The following PRMT8 variants were observed in gnomAD, a reference collection of about 807,000 sequenced individuals.
The protein encoded by PRMT8 is protein arginine methyltransferase 8, also known as protein arginine N-methyltransferase 8.
A neutral mutation model predicts 47.1 loss-of-function variants in PRMT8; 7 were observed. The ratio of observed to expected loss-of-function variants is 0.15; its 90% CI spans 0.08 to 0.28. The LOEUF (loss-of-function observed/expected upper bound fraction) is 0.28. Ranked by LOEUF, PRMT8 falls within the 10% of genes least tolerant of loss-of-function variation. The probability of loss-of-function intolerance (pLI) is 1.00; values close to 1 mark genes in which losing one functional copy is unlikely to be tolerated. For synonymous variants in PRMT8, 188 were observed against 186.5 expected (o/e 1.01, Z -0.07); for missense variants, 237 against 505.4 (o/e 0.47, Z 5.09).
At chr12:3,475,114 A>C (rs1380301697) in intron 1 of PRMT8, among the ~76,000 whole-genome samples, 1 of 152,174 alleles carries the variant, frequency 6.6e-6, no homozygotes, top group African/African-American at 2.4e-5. Flanking sequence ...CTGCCTGGCC[A>C]CTAAAAGAAG....
At position 3,492,654 on chromosome 12, in the gene PRMT8, C is replaced by T. The variant is rs1055012516; in HGVS notation, c.75+954C>T. ...CCTCGCCTCCCTCTGACCCCGCTGT[C>T]ATTACAACAACCGGACTATTCCGTA... On this transcript the variant is annotated intron_variant, in intron 1 of 9. Transcript: ENST00000382622. The surrounding 1 kb of genome is among the most constrained non-coding windows in gnomAD (Gnocchi z 7.5). Among the ~76,000 whole-genome samples the T allele has an allele frequency of 6.6e-6, 1 of 152,200 alleles. No homozygotes were observed. Among genetic ancestry groups the T allele is most frequent in the Admixed American group, 6.5e-5 (1 of 15,286 alleles).
chr12:3,416,943 GT>G (rs1299305135), intron 1 of PRMT8, among the ~76,000 whole-genome samples: 1 of 152,246 alleles, frequency 6.6e-6, no homozygotes, highest in African/African-American at 2.4e-5. Context: ...CAAACAGTAT[GT>G]GAGATTTTTG....
At chr12:3,532,276 T>A (rs192493201) in intron 1 of PRMT8, among the ~76,000 whole-genome samples, 1 of 148,448 alleles carries the variant, frequency 6.7e-6, no homozygotes, top group Admixed American at 6.7e-5. Context: ...ATATATTTAA[T>A]ACATATACTA....
At position 3,540,670 on chromosome 12, in the gene PRMT8, A is replaced by G. The variant is rs753811726; in HGVS notation, c.140A>G (p.His47Arg). The G allele has an allele frequency of 1.5e-6, 2 of 1,338,166 alleles. No individual in the cohort carries two copies. Among genetic ancestry groups the G allele is most frequent in the Non-Finnish European group, 2.0e-6 (2 of 1,015,154 alleles). The allele number at this position is 1,338,166 out of a possible 1,614,324, so 82.9% of individuals were successfully genotyped here. A position where few individuals can be genotyped will look rare whatever the true frequency, so the allele number is the denominator to read the frequency against. The stretch of plus-strand genomic sequence containing the variant: ...CCTGCTAAGCCCGTGCAATGCGTCC[A>G]TCATGTGTCCACTCAACCCAGCTGC... The part of the protein sequence containing the change: ...VVPAKPVQCV[H>R]HVSTQPSCPG... The change falls in exon 2 of 10, where the codon CAT becomes CGT. Residue 47 changes from histidine (H) to arginine (R), a missense_variant. By Grantham distance (29) the His-to-Arg change is conservative. Transcript: ENST00000382622.
chr12:3,393,349 A>C (rs373246203), intron 1 of PRMT8, among the ~76,000 whole-genome samples: 2,186 of 148,256 alleles, frequency 0.015, 46 homozygotes, highest in African/African-American at 0.049. Flanking sequence ...GGTTTTAGGT[A>C]TAACGTTTAA....
At chr12:3,448,225 G>A (rs1455859279) in intron 1 of PRMT8, among the ~76,000 whole-genome samples, 3 of 151,960 alleles carry the variant, frequency 2.0e-5, no homozygotes, top group Non-Finnish European at 4.4e-5. Context: ...GGCTGGTCTC[G>A]AACTCCCAGC....
chr12:3,406,087 T>C (rs1555076395), intron 1 of PRMT8, among the ~76,000 whole-genome samples: 4 of 152,262 alleles, frequency 2.6e-5, no homozygotes, highest in Non-Finnish European at 4.4e-5. Flanking sequence ...ACTTCCATTC[T>C]TGTCTTCCAC....
chr12:3,549,006 T>C (rs183708178), intron 2 of PRMT8, among the ~76,000 whole-genome samples: 13 of 152,286 alleles, frequency 8.5e-5, no homozygotes, highest in African/African-American at 3.1e-4. Context: ...ATCTGTGTAA[T>C]AACATACATG....
chr12:3,529,796 G>A (rs1333282712), intron 1 of PRMT8, among the ~76,000 whole-genome samples: 3 of 152,088 alleles, frequency 2.0e-5, no homozygotes, highest in Non-Finnish European at 4.4e-5. Flanking sequence ...CCAGATGATG[G>A]AGCCTGAGAA....
chr12:3,493,641 C>T lies in PRMT8; in HGVS notation c.75+1941C>T, dbSNP rs1307298536. ...AGCCTCGGCGAGGGTTAAAGGCGTC[C>T]GGAGCAGGCAGAGCGCCGCGCGCCA... On this transcript the variant is annotated intron_variant, in intron 1 of 9. Coordinates refer to ENST00000382622, the MANE Select transcript of PRMT8 (RefSeq NM_019854.5). This position sits in a 1 kb window ranked among gnomAD's most constrained non-coding sequence, Gnocchi z 8.2. 6.6e-6 allele frequency among the ~76,000 whole-genome samples: 1 copy of T among 152,250 alleles called. No homozygotes were observed. The highest frequency in any genetic ancestry group is 6.5e-5 in the Admixed American group (1 of 15,288).
At chr12:3,455,810 T>C (rs1450764626) in intron 1 of PRMT8, among the ~76,000 whole-genome samples, 1 of 152,012 alleles carries the variant, frequency 6.6e-6, no homozygotes, top group Non-Finnish European at 1.5e-5. Flanking sequence ...ATTTTCGAAG[T>C]GTAAGAACTT....
chr12:3,446,401 G>A (rs11062649), intron 1 of PRMT8, among the ~76,000 whole-genome samples: 31,262 of 151,884 alleles, frequency 0.21, 3,660 homozygotes, highest in African/African-American at 0.31. Context: ...TGTGGGCACC[G>A]CCTCGGCCCC....
Position 3,564,427 on chromosome 12 carries a change from T to C in PRMT8, c.482-4279T>C, listed in dbSNP as rs868399302. Reference sequence around the variant, plus strand: ...AAACAAAAATGACCATTAATGAGAATGACTAGATTTCTGTAAGAACCACTC... The same window carrying C: ...AAACAAAAATGACCATTAATGAGAACGACTAGATTTCTGTAAGAACCACTC... On this transcript the variant is annotated intron_variant, in intron 4 of 9. Coordinates refer to ENST00000382622, the MANE Select transcript of PRMT8 (RefSeq NM_019854.5). The surrounding 1 kb of genome is among the most constrained non-coding windows in gnomAD (Gnocchi z 4.0). 4.6e-5 allele frequency among the ~76,000 whole-genome samples: 7 copies of C among 152,324 alleles called. No homozygotes were observed. The highest frequency in any genetic ancestry group is 2.1e-4 in the South Asian group (1 of 4,830).
At chr12:3,443,771 C>G (rs1405756577) in intron 1 of PRMT8, among the ~76,000 whole-genome samples, 1 of 152,204 alleles carries the variant, frequency 6.6e-6, no homozygotes, top group Non-Finnish European at 1.5e-5. Flanking sequence ...GCTGCACAGG[C>G]CTGGACCCTG....
chr12:3,529,233 A>C (rs1194368114), intron 1 of PRMT8, among the ~76,000 whole-genome samples: 1 of 152,192 alleles, frequency 6.6e-6, no homozygotes, highest in Non-Finnish European at 1.5e-5. Context: ...TGTTCTCTGT[A>C]TGGTAGGCTG....
chr12:3,474,906 C>T (rs1280213012), intron 1 of PRMT8, among the ~76,000 whole-genome samples: 2 of 152,220 alleles, frequency 1.3e-5, no homozygotes, highest in Non-Finnish European at 2.9e-5. Flanking sequence ...GACAAACAAA[C>T]ATGGAATTCA....
Position 3,593,524 on chromosome 12 carries a change from T to G in PRMT8, c.*342T>G. ...TCCGGGTCTTCTGAGTTTTGCATGCTGCGGGTGTCTAGGACAGATTGCTTC... is the reference window on the plus strand; with the variant it reads ...TCCGGGTCTTCTGAGTTTTGCATGCGGCGGGTGTCTAGGACAGATTGCTTC... On this transcript the variant is annotated 3_prime_UTR_variant, in exon 10 of 10. Transcript: ENST00000382622. This position sits in a 1 kb window ranked among gnomAD's most constrained non-coding sequence, Gnocchi z 4.8. 1 of 320,730 alleles carries G rather than the reference T, an allele frequency of 3.1e-6. No individual in the cohort carries two copies. Among genetic ancestry groups the G allele is most frequent in the East Asian group, 9.5e-5 (1 of 10,516 alleles). The allele number at this position is 320,730 out of a possible 1,614,324, so 19.9% of individuals were successfully genotyped here.
At chr12:3,556,579 C>T (rs1340850005) in intron 4 of PRMT8, among the ~76,000 whole-genome samples, 5 of 151,680 alleles carry the variant, frequency 3.3e-5, no homozygotes, top group Non-Finnish European at 7.4e-5. Flanking sequence ...AGAATAGGTT[C>T]AGGAAAGACT....
Position 3,397,583 on chromosome 12 carries a change from T to C in PRMT8, c.48+16141T>C, listed in dbSNP as rs543310041. 7.0e-3 allele frequency among the ~76,000 whole-genome samples: 1,061 copies of C among 151,594 alleles called. 16 individuals carry two copies. Among genetic ancestry groups the C allele is most frequent in the East Asian group, 0.042 (214 of 5,122 alleles). On this transcript the variant is annotated intron_variant, in intron 1 of 9. Transcript: ENST00000452611. ...GTCTGCCCGTTCTCAGATCTCCAGC[T>C]GCGTGCTGGGAGAACCACTGCTCTC...
Sources: gnomAD v4.1 joint callset for allele counts (sites outside exome capture counted in the v4.1 genomes callset) on GRCh38, gnomAD v4.1.1 for gene constraint, Gnocchi (gnomAD v3.1) non-coding constraint, MANE v1.5 for transcripts, NCBI Gene and HGNC (gene_info 2026-07-23, HGNC 2026-07-21) for gene names.